CLSTN1: variants seen among roughly 807,000 people sequenced by gnomAD.
CLSTN1 encodes the protein calsyntenin-1.
Under a neutral mutation model 108.3 loss-of-function variants are expected in CLSTN1, and 28 were observed. The ratio of observed to expected loss-of-function variants is 0.26; its 90% confidence interval spans 0.19 to 0.35. The LOEUF is 0.35. CLSTN1 is among the 10% of genes least tolerant of loss of function. The pLI, the probability that CLSTN1 is intolerant of heterozygous loss-of-function variation, is 1.00. For missense variants in CLSTN1, 1,157 were observed against 1,302.6 expected (o/e 0.89, Z 1.72); for synonymous variants, 524 against 534.9 (o/e 0.98, Z 0.28).
intron 1 of CLSTN1, among the ~76,000 whole-genome samples, chr1:9,817,368 C>T (rs1655013648): frequency 2.0e-5 from 3 of 152,114 alleles, no homozygotes; most frequent in Admixed American, 2.0e-4. Flanking sequence ...GCTCTTGTTG[C>T]CCAGGCTGGA....
chr1:9,735,697 G>T, intron 12 of CLSTN1, 82 bp from the exon 13 acceptor site: 2 of 1,574,136 alleles, frequency 1.3e-6, no homozygotes, highest in Non-Finnish European at 1.7e-6. Context: ...CCACAAAGGG[G>T]ACTGGCCTGG....
intron 10 of CLSTN1, 124 bp downstream of exon 10, chr1:9,740,970 G>A (rs780887222): frequency 1.9e-6 from 2 of 1,079,836 alleles, no homozygotes; most frequent in Non-Finnish European, 2.7e-6. Context: ...CACAGGAAAT[G>A]GAAGGAAAAG....
At chr1:9,768,353 G>A (rs1652460098) in intron 2 of CLSTN1, among the ~76,000 whole-genome samples, 1 of 146,020 alleles carries the variant, frequency 6.8e-6, no homozygotes, top group Admixed American at 6.8e-5. Flanking sequence ...GCGGCACCAT[G>A]GGGGCGGGAT....
intron 1 of CLSTN1, among the ~76,000 whole-genome samples, chr1:9,803,302 C>T (rs561524438): frequency 7.2e-5 from 11 of 152,238 alleles, no homozygotes; most frequent in African/African-American, 1.9e-4. Flanking sequence ...AAAACCAGAT[C>T]ATTGGTAATC....
intron 16 of CLSTN1, among the ~76,000 whole-genome samples, chr1:9,733,048 C>A (rs1290749850): frequency 6.6e-6 from 1 of 151,962 alleles, no homozygotes; most frequent in East Asian, 1.9e-4. Flanking sequence ...ATAAATAAAA[C>A]CACATCCTCC....
chr1:9,760,990 C>T (rs1652046050), intron 2 of CLSTN1, among the ~76,000 whole-genome samples: 1 of 151,888 alleles, frequency 6.6e-6, no homozygotes, highest in Admixed American at 6.6e-5. Flanking sequence ...TCCTTTCTGC[C>T]CTGCTCCCTC....
chr1:9,770,846 T>C (rs1020624515), intron 2 of CLSTN1, among the ~76,000 whole-genome samples: 1 of 151,722 alleles, frequency 6.6e-6, no homozygotes, highest in Non-Finnish European at 1.5e-5. Flanking sequence ...ATACAAAAAT[T>C]AGCAGGGCAT....
At chr1:9,812,838 A>C (rs1654815935) in intron 1 of CLSTN1, among the ~76,000 whole-genome samples, 1 of 149,234 alleles carries the variant, frequency 6.7e-6, no homozygotes, top group East Asian at 2.0e-4. Context: ...ACAAGACTGA[A>C]ACTCTATCTC....
At chr1:9,767,152 CA>C (rs1299442805) in intron 2 of CLSTN1, among the ~76,000 whole-genome samples, 1 of 152,190 alleles carries the variant, frequency 6.6e-6, no homozygotes, top group Non-Finnish European at 1.5e-5. Flanking sequence ...AAATGGAAAA[CA>C]AAGTAGCTTC....
At chr1:9,760,160 C>T (rs1035225879) in intron 2 of CLSTN1, among the ~76,000 whole-genome samples, 5 of 152,168 alleles carry the variant, frequency 3.3e-5, no homozygotes, top group African/African-American at 1.2e-4. Context: ...AATCAATATT[C>T]TGAGTATTGA....
At chr1:9,749,134 G>A (rs546539110) in intron 7 of CLSTN1, among the ~76,000 whole-genome samples, 9 of 150,820 alleles carry the variant, frequency 6.0e-5, no homozygotes, top group African/African-American at 2.2e-4. Context: ...AAACTCCTGG[G>A]CTCAAGTGAT....
At position 9,741,020 on chromosome 1, in the gene CLSTN1, A is replaced by G. The variant is rs1175657041; in HGVS notation, c.1519+74T>C. ...GGTAAGGCTGTAGGATACCGATCAC[A>G]GCCTGCTGCCACCAACCTAGTAAAG... On this transcript the variant is annotated intron_variant, in intron 10 of 18. Transcript: ENST00000377298. 6.0e-6 allele frequency: 9 copies of G among 1,507,642 alleles called. No individual in the cohort carries two copies. The African/African-American group carries it at 1.2e-4, about 21-fold the overall frequency. The allele number at this position is 1,507,642 out of a possible 1,614,324, so 93.4% of individuals were successfully genotyped here.
chr1:9,782,165 T>G (rs1376913158), intron 1 of CLSTN1, among the ~76,000 whole-genome samples: 2 of 152,254 alleles, frequency 1.3e-5, no homozygotes, highest in South Asian at 4.1e-4. Context: ...AACCAGGTCA[T>G]TTTTGTATTG....
intron 1 of CLSTN1, among the ~76,000 whole-genome samples, chr1:9,789,367 T>C (rs1332680029): frequency 2.6e-5 from 4 of 151,464 alleles, no homozygotes; most frequent in Admixed American, 1.3e-4. Flanking sequence ...TGCTTTTTGA[T>C]AGACCATCCT....
At chr1:9,794,058 G>A (rs150819309) in intron 1 of CLSTN1, among the ~76,000 whole-genome samples, 1 of 151,332 alleles carries the variant, frequency 6.6e-6, no homozygotes, top group Non-Finnish European at 1.5e-5. Flanking sequence ...TAATTGGAGG[G>A]GGATGCTAAT....
intron 10 of CLSTN1, among the ~76,000 whole-genome samples, chr1:9,738,451 G>C (rs144966243): frequency 0.012 from 1,842 of 152,272 alleles, 15 homozygotes; most frequent in Non-Finnish European, 0.02. Flanking sequence ...GTGTATCCAG[G>C]TGAAGCCCAT....
At chr1:9,751,749 G>T in intron 4 of CLSTN1, 68 bp from the exon 5 acceptor site, 10 of 1,404,528 alleles carry the variant, frequency 7.1e-6, no homozygotes, top group Non-Finnish European at 1.0e-5. Flanking sequence ...CAGAGAGTGT[G>T]TATGTGTGTT....
At chr1:9,818,117 C>A (rs1557729456) in intron 1 of CLSTN1, among the ~76,000 whole-genome samples, 1 of 151,516 alleles carries the variant, frequency 6.6e-6, no homozygotes, top group Admixed American at 6.6e-5. Context: ...AATCAGTTCT[C>A]CAGCCTCAGC....
chr1:9,756,179 C>T (rs925551769), intron 3 of CLSTN1, among the ~76,000 whole-genome samples: 2 of 152,240 alleles, frequency 1.3e-5, no homozygotes, highest in Non-Finnish European at 2.9e-5. Context: ...TAAGACTGCA[C>T]TCCTTCCACA....
Sources: gnomAD v4.1 joint callset for allele counts (sites outside exome capture counted in the v4.1 genomes callset) on GRCh38, gnomAD v4.1.1 for gene constraint, MANE v1.5 for transcripts, NCBI Gene and HGNC (gene_info 2026-07-23, HGNC 2026-07-21) for gene names.